The following CREB5 variants were observed in gnomAD, a reference collection of about 807,000 sequenced individuals.
CREB5 encodes the protein cyclic AMP-responsive element-binding protein 5.
A neutral mutation model predicts 57.1 loss-of-function variants in CREB5; 19 were observed. That is an observed-to-expected ratio of 0.33 (90% CI 0.23 to 0.49). The LOEUF is 0.49. CREB5 is among the 20% of genes least tolerant of loss of function. The pLI, the probability that CREB5 is intolerant of heterozygous loss-of-function variation, is 0.99. For synonymous variants in CREB5, 238 were observed against 238.3 expected (o/e 1.00, Z 0.01); for missense variants, 579 against 671.6 (o/e 0.86, Z 1.52).
At chr7:28,518,628 C>T (rs1286256290) in intron 4 of CREB5, among the ~76,000 whole-genome samples, 1 of 152,190 alleles carries the variant, frequency 6.6e-6, no homozygotes, top group East Asian at 1.9e-4. Context: ...GCGAGTCCCA[C>T]CCTTGTAACC....
intron 9 of CREB5, among the ~76,000 whole-genome samples, chr7:28,813,777 A>T (rs1809263604): frequency 6.6e-6 from 1 of 152,182 alleles, no homozygotes; most frequent in Non-Finnish European, 1.5e-5. Flanking sequence ...GTGCTGCTTC[A>T]TCCCAAGGCA....
In CREB5 at chr7:28,691,540, G is replaced by A. The variant is rs367660595; in HGVS notation, c.465-27213G>A. On this transcript the variant is annotated intron_variant, in intron 5 of 10. Transcript: ENST00000357727. ...CTCCCTCTCACATATATTTTCTAGT[G>A]GTTAAAAAAGGATGTTTTGTAGACT... 3.3e-5 allele frequency among the ~76,000 whole-genome samples: 5 copies of A among 151,958 alleles called. No individual in the cohort carries two copies. The East Asian group carries it at 7.7e-4, about 23-fold the overall frequency.
intron 1 of CREB5, among the ~76,000 whole-genome samples, chr7:28,366,829 A>G (rs10249445): frequency 0.54 from 82,044 of 151,950 alleles, 22,213 homozygotes; most frequent in African/African-American, 0.57. Flanking sequence ...TTTTCTTTTC[A>G]TGTCTAGGAT....
At chr7:28,492,815 A>G (rs1339278998) in intron 2 of CREB5, among the ~76,000 whole-genome samples, 1 of 151,118 alleles carries the variant, frequency 6.6e-6, no homozygotes, top group Non-Finnish European at 1.5e-5. Flanking sequence ...TAAAACAAAA[A>G]TTATAATTAG....
At chr7:28,599,843 G>A (rs1443767498) in intron 5 of CREB5, among the ~76,000 whole-genome samples, 1 of 152,138 alleles carries the variant, frequency 6.6e-6, no homozygotes, top group Non-Finnish European at 1.5e-5. Context: ...GGCAGGATAT[G>A]AGAATTGTTA....
At chr7:28,318,820 C>T (rs1468957201) in intron 1 of CREB5, among the ~76,000 whole-genome samples, 2 of 152,166 alleles carry the variant, frequency 1.3e-5, no homozygotes, top group Non-Finnish European at 2.9e-5. Flanking sequence ...AATTTCAAGG[C>T]TCATCAAAAT....
intron 1 of CREB5, among the ~76,000 whole-genome samples, chr7:28,460,992 C>G (rs898418453): frequency 6.6e-6 from 1 of 151,958 alleles, no homozygotes; most frequent in Non-Finnish European, 1.5e-5. Flanking sequence ...AGTTTGAAAC[C>G]AGCCTGGGCA....
intron 5 of CREB5, among the ~76,000 whole-genome samples, chr7:28,642,951 T>TACACACACACAC (rs751628412): frequency 6.5e-4 from 58 of 89,688 alleles, no homozygotes; most frequent in Non-Finnish European, 8.7e-4. Flanking sequence ...AGGGTAGATT[T>TACACACACACAC]ACACACACAC....
In CREB5 at chr7:28,560,975, T is replaced by TGCGCGTGC. The variant is rs1270769785; in HGVS notation, c.292-9389_292-9388insCGCGTGCG. Among the ~76,000 whole-genome samples the TGCGCGTGC allele has an allele frequency of 2.1e-4, 5 of 23,408 alleles. 1 individual carries two copies. Among genetic ancestry groups the TGCGCGTGC allele is most frequent in the Non-Finnish European group, 4.7e-4 (4 of 8,538 alleles). The allele number at this position is 23,408 out of a possible 152,430, so 15.4% of individuals were successfully genotyped here. On this transcript the variant is annotated intron_variant, in intron 4 of 10. Transcript: ENST00000357727. ...GCGTGTGTGTGCGTGTGTGTGTGCG[T>TGCGCGTGC]GTGTGCGTGCGTGTGTGTGCCTGCG... is the stretch of plus-strand genomic sequence containing the variant.
intron 5 of CREB5, among the ~76,000 whole-genome samples, chr7:28,706,898 G>A (rs935543422): frequency 1.3e-4 from 20 of 152,136 alleles, no homozygotes; most frequent in African/African-American, 4.6e-4. Context: ...GTGACATAGG[G>A]GTATAGCTGC....
intron 2 of CREB5, among the ~76,000 whole-genome samples, chr7:28,492,359 C>T (rs1278633442): frequency 6.6e-6 from 1 of 152,204 alleles, no homozygotes; most frequent in South Asian, 2.1e-4. Context: ...GGAAGAGTTT[C>T]TCTTGCCCTT....
intron 1 of CREB5, among the ~76,000 whole-genome samples, chr7:28,387,728 C>A (rs904585667): frequency 9.9e-5 from 15 of 151,976 alleles, no homozygotes; most frequent in African/African-American, 3.6e-4. Context: ...AGCAAACCAC[C>A]ATGACACACA....
intron 4 of CREB5, among the ~76,000 whole-genome samples, chr7:28,514,494 C>A (rs1003355681): frequency 1.3e-5 from 2 of 152,190 alleles, no homozygotes; most frequent in Non-Finnish European, 2.9e-5. Context: ...CTCCCGGGTT[C>A]ACGCCATTCT....
intron 2 of CREB5, chr7:28,491,410 G>A (rs1791802885): frequency 4.5e-6 from 1 of 222,100 alleles, no homozygotes; most frequent in Non-Finnish European, 7.3e-6. Flanking sequence ...AGTAGAGGTG[G>A]TTAATTAAGG....
At chr7:28,468,208 C>T (rs1247879529) in intron 1 of CREB5, among the ~76,000 whole-genome samples, 1 of 152,194 alleles carries the variant, frequency 6.6e-6, no homozygotes, top group African/African-American at 2.4e-5. Flanking sequence ...TTACATGTCA[C>T]AGGCTGCTTC....
chr7:28,641,853 A>G (rs1050108990), intron 5 of CREB5, among the ~76,000 whole-genome samples: 1 of 152,102 alleles, frequency 6.6e-6, no homozygotes, highest in African/African-American at 2.4e-5. Flanking sequence ...ATTCGTTTTT[A>G]TGGATGGATC....
chr7:28,658,979 A>ATATG (rs1491493080), intron 5 of CREB5, among the ~76,000 whole-genome samples: 1 of 90,558 alleles, frequency 1.1e-5, no homozygotes. Flanking sequence ...ATATATATAT[A>ATATG]TGTATATATA....
chr7:28,808,692 C>T (rs1440127686), intron 8 of CREB5, among the ~76,000 whole-genome samples: 33 of 150,578 alleles, frequency 2.2e-4, no homozygotes, highest in Admixed American at 2.2e-3. Flanking sequence ...GCATGCGCCA[C>T]CATGCCTGGC....
intron 5 of CREB5, among the ~76,000 whole-genome samples, chr7:28,595,599 T>C (rs1427930330): frequency 6.6e-6 from 1 of 152,110 alleles, no homozygotes; most frequent in Non-Finnish European, 1.5e-5. Context: ...CTTTTAGGGG[T>C]AAATCACTTT....
Sources: allele counts gnomAD v4.1 joint callset (sites outside exome capture counted in the v4.1 genomes callset), GRCh38; gene constraint gnomAD v4.1.1; transcripts MANE v1.5; gene names NCBI Gene and HGNC (gene_info 2026-07-23, HGNC 2026-07-21).